ASAP1: variants seen among roughly 807,000 people sequenced by gnomAD.
ASAP1 encodes arf-GAP with SH3 domain, ANK repeat and PH domain-containing protein 1.
Under a neutral mutation model 145.2 loss-of-function variants are expected in ASAP1, and 43 were observed. The observed-to-expected ratio is 0.30, with a 90% CI of 0.23 to 0.38. ASAP1 has a LOEUF of 0.38. Ranked by LOEUF, ASAP1 falls within the 10% of genes least tolerant of loss-of-function variation. The probability of loss-of-function intolerance (pLI) is 1.00; values close to 1 mark genes in which losing one functional copy is unlikely to be tolerated. For synonymous variants in ASAP1, 546 were observed against 515.5 expected (o/e 1.06, Z -0.80); for missense variants, 1,018 against 1,355.3 (o/e 0.75, Z 3.91).
Position 130,092,065 on chromosome 8 carries a change from G to A in ASAP1, c.2480C>T (p.Pro827Leu). ...CTTGTGTCCGGGTGGTGGGGGAGGA[G>A]GCCTCTTCTTGGATAGGGTGGAGCT... Reference protein sequence around the residue: ...SGSSTLSKKRPPPPPPGHKRT... With the variant: ...SGSSTLSKKRLPPPPPGHKRT... The change falls in exon 25 of 30, where the codon CCT (proline) becomes CTT (leucine). Residue 827 changes from proline (P) to leucine (L), a missense_variant. Physicochemically the swap from Pro to Leu is moderately conservative, Grantham distance 98. This residue lies in a region of ASAP1 where 353 missense variants were observed against 375.4 expected (regional missense o/e 0.94). Transcript: ENST00000518721. The A allele has an allele frequency of 3.2e-6, 5 of 1,571,482 alleles. No homozygotes were observed. The highest frequency in any genetic ancestry group is 4.3e-6 in the Non-Finnish European group (5 of 1,163,654).
intron 8 of ASAP1, among the ~76,000 whole-genome samples, chr8:130,179,555 T>C (rs924887115): frequency 1.3e-5 from 2 of 152,180 alleles, no homozygotes; most frequent in African/African-American, 4.8e-5. Flanking sequence ...AATTATTTTA[T>C]GATTAGTTTA....
intron 3 of ASAP1, among the ~76,000 whole-genome samples, chr8:130,315,602 T>C (rs1357782415): frequency 1.3e-5 from 2 of 152,210 alleles, no homozygotes; most frequent in African/African-American, 2.4e-5. Flanking sequence ...CACTTGTTGC[T>C]TCCCAGCTGT....
chr8:130,358,029 C>A lies in ASAP1; in HGVS notation c.174G>T (p.Thr58=). 6.2e-7 allele frequency: 1 copy of A among 1,608,108 alleles called. No individual in the cohort carries two copies. The highest frequency in any genetic ancestry group is 1.1e-5 in the South Asian group (1 of 90,534). The change falls in exon 3 of 30, where the codon ACG becomes ACT. Residue 58 remains threonine, a synonymous_variant. Transcript: ENST00000518721. This position sits in a 1 kb window ranked among gnomAD's most constrained non-coding sequence, Gnocchi z 4.1. ...CGGCCCGACCTACCTCCTCCAGCAG[C>A]GTGACGGTGTTCCTGCAGTTGTGCA... The part of the protein sequence containing the change: ...TRLHNCRNTV[T]LLEEALDQDR...
In ASAP1 at chr8:130,136,935, G is replaced by C. The variant is rs760369378; in HGVS notation, c.1168+16C>G. On this transcript the variant is annotated intron_variant, in intron 14 of 29. Transcript: ENST00000518721. The stretch of plus-strand genomic sequence containing the variant: ...GAAGCCACAATAACCAACTCAGAGA[G>C]AGAAAAAGGACTCACGTGATATCAG... The C allele has an allele frequency of 3.1e-6, 5 of 1,609,946 alleles. No homozygotes were observed. The highest frequency in any genetic ancestry group is 4.3e-6 in the Non-Finnish European group (5 of 1,176,172).
At chr8:130,138,414 C>A (rs77041575) in intron 13 of ASAP1, among the ~76,000 whole-genome samples, 4 of 152,010 alleles carry the variant, frequency 2.6e-5, no homozygotes, top group African/African-American at 9.7e-5. Flanking sequence ...AGGAATGGAA[C>A]CAGAAGTCAA....
chr8:130,069,030 G>C (rs1196313466), intron 27 of ASAP1, among the ~76,000 whole-genome samples: 2 of 152,094 alleles, frequency 1.3e-5, no homozygotes, highest in East Asian at 3.8e-4. Context: ...AACAGGGAAA[G>C]GCAAAAGTGA....
In ASAP1 at chr8:130,052,869, T is replaced by C. The variant is rs1271252910; in HGVS notation, c.*1862A>G. ...GACCGGGACACTGAGCAACCTCAGA[T>C]GCAGACTTCCATCCGGACACTGGTG... On this transcript the variant is annotated 3_prime_UTR_variant, in exon 30 of 30. Coordinates refer to ENST00000518721, the MANE Select transcript of ASAP1 (RefSeq NM_018482.4). 1 of 152,012 alleles carries C rather than the reference T, an allele frequency of 6.6e-6. No individual in the cohort carries two copies. The highest frequency in any genetic ancestry group is 2.4e-5 in the African/African-American group (1 of 41,380). 9.4% of individuals were successfully genotyped at this position (152,012 alleles called of 1,614,324 possible). A position where few individuals can be genotyped will look rare whatever the true frequency, so the allele number is the denominator to read the frequency against.
Position 130,152,813 on chromosome 8 carries a change from G to C in ASAP1, c.1011-8C>G. 6.2e-7 allele frequency: 1 copy of C among 1,604,658 alleles called. No individual in the cohort carries two copies. The highest frequency in any genetic ancestry group is 8.5e-7 in the Non-Finnish European group (1 of 1,173,136). ...TGCCATACTTTCCGGATCCTAAGGA[G>C]GAAGTCAAACACAACTAGATATAGT... On this transcript the variant is annotated splice_polypyrimidine_tract_variant and splice_region_variant and intron_variant, in intron 12 of 29. Transcript: ENST00000518721.
rs187406392 is a variant in ASAP1 at position 130,145,792 on chromosome 8, T to G, written c.1080+6944A>C. On this transcript the variant is annotated intron_variant, in intron 13 of 29. Transcript: ENST00000518721. ...TAAGGCACCAAAAGGTTAAGTTAAC[T>G]CAGCCTTAAGGTCACAGCTGTTAAC... Among the ~76,000 whole-genome samples, 349 of 151,966 alleles carry G rather than the reference T, an allele frequency of 2.3e-3. 1 individual carries two copies. Among genetic ancestry groups the G allele is most frequent in the African/African-American group, 8.0e-3 (332 of 41,416 alleles).
intron 17 of ASAP1, 126 bp from the exon 18 acceptor site, chr8:130,124,230 A>C: frequency 2.9e-6 from 2 of 694,346 alleles, no homozygotes; most frequent in Admixed American, 3.2e-5. Context: ...AATACAAACC[A>C]CCGTCCATCT....
At chr8:130,385,719 G>C (rs1256770293) in intron 2 of ASAP1, among the ~76,000 whole-genome samples, 1 of 152,230 alleles carries the variant, frequency 6.6e-6, no homozygotes. Context: ...TCTCCCAACA[G>C]AGGCTCTTCA....
In ASAP1 at chr8:130,276,728, A is replaced by ACACACACACTCTCTCTCT. The variant is rs548512902; in HGVS notation, c.187-39735_187-39734insAGAGAGAGAGTGTGTGTG. ...CACACACACACACACACACACACAC[A>ACACACACACTCTCTCTCT]CTCTCTCTCTCTCTCTCTCTCTCTC... On this transcript the variant is annotated intron_variant, in intron 3 of 29. Coordinates refer to ENST00000518721, the MANE Select transcript of ASAP1 (RefSeq NM_018482.4). 4.9e-3 allele frequency among the ~76,000 whole-genome samples: 424 copies of ACACACACACTCTCTCTCT among 87,262 alleles called. 3 individuals carry two copies. Among genetic ancestry groups the ACACACACACTCTCTCTCT allele is most frequent in the East Asian group, 0.019 (39 of 2,026 alleles). 57.2% of individuals were successfully genotyped at this position (87,262 alleles called of 152,430 possible). A position where few individuals can be genotyped will look rare whatever the true frequency, so the allele number is the denominator to read the frequency against.
intron 3 of ASAP1, among the ~76,000 whole-genome samples, chr8:130,355,940 A>G (rs757986038): frequency 1.3e-5 from 2 of 152,206 alleles, no homozygotes; most frequent in South Asian, 2.1e-4. Flanking sequence ...AAACATTGCT[A>G]TATTTTTGAG....
intron 3 of ASAP1, among the ~76,000 whole-genome samples, chr8:130,309,879 T>C (rs566228363): frequency 1.1e-4 from 17 of 152,340 alleles, no homozygotes; most frequent in South Asian, 6.2e-4. Context: ...CTAGGTTTAG[T>C]TGAAAATCTG....
At chr8:130,298,460 T>C (rs1822421709) in intron 3 of ASAP1, among the ~76,000 whole-genome samples, 2 of 152,180 alleles carry the variant, frequency 1.3e-5, no homozygotes, top group African/African-American at 4.8e-5. Context: ...AGGCCACCAA[T>C]AGCTCTCACT....
At chr8:130,442,571 A>G (rs1184931591) in intron 1 of ASAP1, among the ~76,000 whole-genome samples, 3 of 152,198 alleles carry the variant, frequency 2.0e-5, no homozygotes, top group African/African-American at 4.8e-5. Flanking sequence ...TCATCCCAGA[A>G]TCAATCACGC....
At chr8:130,389,242 T>C (rs530148251) in intron 2 of ASAP1, among the ~76,000 whole-genome samples, 1 of 152,306 alleles carries the variant, frequency 6.6e-6, no homozygotes, top group Admixed American at 6.5e-5. Flanking sequence ...GAAACTTGCC[T>C]AGCACCACCC....
At chr8:130,210,584 G>A (rs762629493) in intron 5 of ASAP1, among the ~76,000 whole-genome samples, 1 of 152,126 alleles carries the variant, frequency 6.6e-6, no homozygotes, top group African/African-American at 2.4e-5. Flanking sequence ...TACCTTGCAC[G>A]CTAAACACAC....
rs905755447 is a variant in ASAP1 at position 130,366,886 on chromosome 8, C to CTTTTTTTTTTT, written c.60-8754_60-8744dup. Among the ~76,000 whole-genome samples the CTTTTTTTTTTT allele has an allele frequency of 6.0e-5, 6 of 99,188 alleles. 1 individual carries two copies. The highest frequency in any genetic ancestry group is 1.2e-4 in the African/African-American group (3 of 24,746). The allele number at this position is 99,188 out of a possible 152,430, so 65.1% of individuals were successfully genotyped here. ...TCTAAACAGGTACTATGCTAGATTC[C>CTTTTTTTTTTT]TTTTTTTTTTTTTTTTTTTTTTGAG... On this transcript the variant is annotated intron_variant, in intron 2 of 29. Transcript: ENST00000518721.
Sources: allele counts gnomAD v4.1 joint callset (sites outside exome capture counted in the v4.1 genomes callset), GRCh38; gene constraint gnomAD v4.1.1; regional missense constraint gnomAD v4.1.1; non-coding constraint Gnocchi (gnomAD v3.1); transcripts MANE v1.5; gene names NCBI Gene and HGNC (gene_info 2026-07-23, HGNC 2026-07-21).